The following ABTB3 variants were observed in gnomAD, a reference collection of about 807,000 sequenced individuals.
The protein encoded by ABTB3 is ankyrin repeat- and BTB/POZ domain-containing protein 3.
At chr12:107,651,564 C>T in the ABTB3 span, 6 of 674,218 alleles carry the variant, frequency 8.9e-6, no homozygotes, top group South Asian at 9.9e-5. Flanking sequence ...CTACCTGTGA[C>T]ACTGCTGTGG....
the ABTB3 span, among the ~76,000 whole-genome samples, chr12:107,346,124 G>A: frequency 1.2e-3 from 178 of 152,296 alleles, no homozygotes; most frequent in African/African-American, 4.2e-3. Flanking sequence ...TTCCCATCCA[G>A]CTGCCCTGCA....
chr12:107,456,117 A>G, the ABTB3 span, among the ~76,000 whole-genome samples: 1 of 152,220 alleles, frequency 6.6e-6, no homozygotes, highest in Non-Finnish European at 1.5e-5. Flanking sequence ...AACATGTGCC[A>G]ATAACTACCG....
the ABTB3 span, chr12:107,581,005 G>A: frequency 1.3e-6 from 2 of 1,552,216 alleles, no homozygotes; most frequent in East Asian, 4.9e-5. Context: ...CTGGAATTCA[G>A]AGGCAGGGTC....
At chr12:107,535,270 G>GA in the ABTB3 span, among the ~76,000 whole-genome samples, 6 of 152,002 alleles carry the variant, frequency 3.9e-5, no homozygotes, top group Non-Finnish European at 7.4e-5. Flanking sequence ...GGCATAGAAG[G>GA]AAAAAACCTC....
chr12:107,318,810 T>C, the ABTB3 span: 2 of 1,039,478 alleles, frequency 1.9e-6, no homozygotes, highest in Non-Finnish European at 2.7e-6. Context: ...TAACAGTTGG[T>C]AGCAGCGGCT....
At chr12:107,364,644 CTGTT>C in the ABTB3 span, among the ~76,000 whole-genome samples, 1 of 152,084 alleles carries the variant, frequency 6.6e-6, no homozygotes, top group Non-Finnish European at 1.5e-5. Flanking sequence ...CCACAAATCA[CTGTT>C]TGCACTTCAT....
At chr12:107,390,489 C>T in the ABTB3 span, among the ~76,000 whole-genome samples, 1 of 152,184 alleles carries the variant, frequency 6.6e-6, no homozygotes, top group Admixed American at 6.5e-5. Context: ...TTTCAATCAA[C>T]TCTTATTAAA....
chr12:107,496,105 C>T, the ABTB3 span, among the ~76,000 whole-genome samples: 496 of 152,290 alleles, frequency 3.3e-3, 2 homozygotes, highest in African/African-American at 0.011. Flanking sequence ...GCACTGCCCT[C>T]CAGCGTGTGC....
the ABTB3 span, among the ~76,000 whole-genome samples, chr12:107,372,185 T>C: frequency 6.6e-6 from 1 of 152,214 alleles, no homozygotes; most frequent in African/African-American, 2.4e-5. Context: ...TACCTATTTG[T>C]TGGATCAATG....
the ABTB3 span, among the ~76,000 whole-genome samples, chr12:107,653,878 G>A: frequency 2.0e-5 from 3 of 152,138 alleles, no homozygotes; most frequent in South Asian, 2.1e-4. Flanking sequence ...TATCACTACC[G>A]TTCATCTATA....
chr12:107,458,462 G>C, the ABTB3 span, among the ~76,000 whole-genome samples: 1 of 152,318 alleles, frequency 6.6e-6, no homozygotes, highest in Non-Finnish European at 1.5e-5. Context: ...CATGGGACAA[G>C]ACAGAATCTA....
At chr12:107,399,601 A>C in the ABTB3 span, among the ~76,000 whole-genome samples, 1 of 152,180 alleles carries the variant, frequency 6.6e-6, no homozygotes, top group African/African-American at 2.4e-5. Context: ...TGATGATAAC[A>C]ATTACTACTA....
At chr12:107,368,119 C>A in the ABTB3 span, among the ~76,000 whole-genome samples, 1 of 152,200 alleles carries the variant, frequency 6.6e-6, no homozygotes, top group African/African-American at 2.4e-5. Context: ...GCACAAAAAT[C>A]TTAGCAGCTT....
the ABTB3 span, among the ~76,000 whole-genome samples, chr12:107,398,232 C>G: frequency 6.6e-6 from 1 of 152,078 alleles, no homozygotes; most frequent in African/African-American, 2.4e-5. Context: ...GCCACACCAC[C>G]CTGGGAGGCA....
At chr12:107,378,801 C>T in the ABTB3 span, among the ~76,000 whole-genome samples, 4 of 152,190 alleles carry the variant, frequency 2.6e-5, no homozygotes, top group African/African-American at 7.2e-5. Context: ...GTGAAAACGT[C>T]CCCTGATGGG....
chr12:107,616,977 A>C, the ABTB3 span: 2 of 1,094,550 alleles, frequency 1.8e-6, no homozygotes, highest in Non-Finnish European at 2.8e-6. Flanking sequence ...GCTGTCACCA[A>C]CCTAGAGGGA....
At chr12:107,477,875 G>A in the ABTB3 span, among the ~76,000 whole-genome samples, 2 of 152,244 alleles carry the variant, frequency 1.3e-5, no homozygotes, top group Admixed American at 1.3e-4. Flanking sequence ...TTCTAGGAAG[G>A]TATTAGGATA....
chr12:107,339,759 G>A, the ABTB3 span, among the ~76,000 whole-genome samples: 1 of 151,936 alleles, frequency 6.6e-6, no homozygotes, highest in Non-Finnish European at 1.5e-5. Context: ...GAAATTGGAC[G>A]CCTGCCATAG....
chr12:107,643,081 C>T, the ABTB3 span, among the ~76,000 whole-genome samples: 1 of 152,120 alleles, frequency 6.6e-6, no homozygotes, highest in Non-Finnish European at 1.5e-5. Context: ...GTCTTCCCAT[C>T]TTCCAGGGTT....
Sources: gnomAD v4.1 joint callset for allele counts (sites outside exome capture counted in the v4.1 genomes callset) on GRCh38, gnomAD v4.1.1 for gene constraint, MANE v1.5 for transcripts, NCBI Gene and HGNC (gene_info 2026-07-23, HGNC 2026-07-21) for gene names.